GUCY2C: variants seen among roughly 807,000 people sequenced by gnomAD.
GUCY2C encodes guanylate cyclase 2C.
A neutral mutation model predicts 131.1 loss-of-function variants in GUCY2C; 118 were observed. The ratio of observed to expected loss-of-function variants is 0.90; its 90% CI spans 0.78 to 1.05. The LOEUF is 1.05. Among genes scored for constraint, GUCY2C ranks in the 50% least tolerant of loss-of-function variants. The pLI, the probability that GUCY2C is intolerant of heterozygous loss-of-function variation, is 0.00. For synonymous variants in GUCY2C, 452 were observed against 457.8 expected (o/e 0.99, Z 0.16); for missense variants, 1,161 against 1,304.4 (o/e 0.89, Z 1.69).
intron 9 of GUCY2C, among the ~76,000 whole-genome samples, chr12:14,671,823 A>G (rs1451907119): frequency 5.3e-5 from 8 of 152,256 alleles, no homozygotes; most frequent in Middle Eastern, 3.2e-3. Context: ...TAACTGAAGT[A>G]TTGATGGGAT....
intron 9 of GUCY2C, 105 bp downstream of exon 9, chr12:14,672,768 C>T (rs751020136): frequency 3.7e-4 from 265 of 712,428 alleles, no homozygotes; most frequent in Non-Finnish European, 5.9e-4. Flanking sequence ...GTCTTCAGAT[C>T]CTAAACATAA....
rs145171979 is a variant in GUCY2C at position 14,641,352 on chromosome 12, T to C, written c.1931-133A>G. 62 of 905,210 alleles carry C rather than the reference T, an allele frequency of 6.8e-5. No homozygotes were observed. The African/African-American group carries it at 8.2e-4, about 12-fold the overall frequency. The allele number at this position is 905,210 out of a possible 1,614,324, so 56.1% of individuals were successfully genotyped here. A position where few individuals can be genotyped will look rare whatever the true frequency, so the allele number is the denominator to read the frequency against. The stretch of plus-strand genomic sequence containing the variant: ...GTGATAGCTTATAAGTGGCCTTGAA[T>C]TGATATGATTCCAAATTTTTGAAAA... On this transcript the variant is annotated intron_variant, in intron 17 of 26. Coordinates refer to ENST00000261170, the MANE Select transcript of GUCY2C (RefSeq NM_004963.4).
intron 15 of GUCY2C, among the ~76,000 whole-genome samples, chr12:14,646,614 G>T (rs925384601): frequency 6.6e-6 from 1 of 152,114 alleles, no homozygotes; most frequent in Admixed American, 6.5e-5. Flanking sequence ...ATTGCTAATT[G>T]CACCATCTAA....
intron 17 of GUCY2C, 40 bp downstream of exon 17, chr12:14,643,534 A>G (rs1332697774): frequency 3.7e-6 from 6 of 1,603,736 alleles, no homozygotes; most frequent in Admixed American, 1.7e-5. Flanking sequence ...TGAAAAAAAA[A>G]TCAGTTAGGA....
intron 12 of GUCY2C, 50 bp from the exon 13 acceptor site, chr12:14,653,064 C>T (rs753395446): frequency 4.5e-5 from 60 of 1,324,970 alleles, no homozygotes; most frequent in Non-Finnish European, 6.2e-5. Context: ...TCTCATCCTA[C>T]TCACTGCCTG....
At position 14,622,000 on chromosome 12, in the gene GUCY2C, G is replaced by A; in HGVS notation, c.2601+5C>T. On this transcript the variant is annotated splice_donor_5th_base_variant and intron_variant, in intron 22 of 26. Coordinates refer to ENST00000261170, the MANE Select transcript of GUCY2C (RefSeq NM_004963.4). ...TGGTTTCAGCCTGTTAGGTGATGTGGTTACCTTGTAGACATCATGATGATC... is the reference window on the plus strand; with the variant it reads ...TGGTTTCAGCCTGTTAGGTGATGTGATTACCTTGTAGACATCATGATGATC... 1.9e-6 allele frequency: 3 copies of A among 1,578,078 alleles called. No individual in the cohort carries two copies. The highest frequency in any genetic ancestry group is 1.2e-5 in the South Asian group (1 of 84,864).
At chr12:14,618,861 T>C (rs922008281) in intron 24 of GUCY2C, among the ~76,000 whole-genome samples, 2 of 151,798 alleles carry the variant, frequency 1.3e-5, no homozygotes, top group Non-Finnish European at 2.9e-5. Flanking sequence ...TGAACCAGAG[T>C]GTGTAGTTCT....
chr12:14,666,310 G>A (rs1417128718), intron 10 of GUCY2C, among the ~76,000 whole-genome samples: 1 of 152,236 alleles, frequency 6.6e-6, no homozygotes, highest in Non-Finnish European at 1.5e-5. Flanking sequence ...ATATTGGGTG[G>A]ACCTGGCTTT....
At chr12:14,642,478 C>T (rs1216621036) in intron 17 of GUCY2C, among the ~76,000 whole-genome samples, 1 of 152,154 alleles carries the variant, frequency 6.6e-6, no homozygotes, top group African/African-American at 2.4e-5. Flanking sequence ...TATGATGATG[C>T]ACACTTTCCT....
chr12:14,670,295 G>A (rs892741002), intron 9 of GUCY2C, among the ~76,000 whole-genome samples: 1 of 152,112 alleles, frequency 6.6e-6, no homozygotes, highest in Non-Finnish European at 1.5e-5. Context: ...TACATATCAA[G>A]GGGCCCTGAA....
At chr12:14,652,869 T>C (rs2137041243) in intron 13 of GUCY2C, 83 bp downstream of exon 13, 2 of 887,996 alleles carry the variant, frequency 2.3e-6, no homozygotes, top group African/African-American at 1.6e-5. Context: ...ATTGTGATAC[T>C]GACATCAGGG....
rs1372492040 is a variant in GUCY2C, at chr12:14,696,354, T to C, written c.95A>G (p.Asn32Ser). Reference sequence around the variant, plus strand: ...CAGGACGCTGATTTCATAGCTGCCATTGTGGCAGTTCTGACTCACCTGGGA... The same window carrying C: ...CAGGACGCTGATTTCATAGCTGCCACTGTGGCAGTTCTGACTCACCTGGGA... ...FSSQVSQNCH[N>S]GSYEISVLMM... is the part of the protein sequence containing the mutation. The change falls in exon 1 of 27, where the codon AAT becomes AGT. Residue 32 changes from asparagine (N) to serine (S), a missense_variant. Transcript: ENST00000261170. 11 of 1,613,940 alleles carry C rather than the reference T, an allele frequency of 6.8e-6. No homozygotes were observed. The Middle Eastern group carries it at 6.6e-4, about 96-fold the overall frequency.
intron 10 of GUCY2C, among the ~76,000 whole-genome samples, chr12:14,669,281 T>G (rs1948051241): frequency 6.6e-6 from 1 of 151,884 alleles, no homozygotes; most frequent in Non-Finnish European, 1.5e-5. Flanking sequence ...GATAGCTCAT[T>G]GCAGCCTCAA....
At chr12:14,620,244 C>G (rs186065626) in intron 23 of GUCY2C, among the ~76,000 whole-genome samples, 343 of 152,300 alleles carry the variant, frequency 2.3e-3, no homozygotes, top group Non-Finnish European at 3.4e-3. Flanking sequence ...GGTATACTTA[C>G]GTTATAGATA....
At chr12:14,656,108 A>T (rs766570593) in intron 12 of GUCY2C, among the ~76,000 whole-genome samples, 1 of 152,212 alleles carries the variant, frequency 6.6e-6, no homozygotes, top group Non-Finnish European at 1.5e-5. Flanking sequence ...AATGTGAGCA[A>T]ATATAAGCAG....
chr12:14,666,661 G>A (rs1947986837), intron 10 of GUCY2C, among the ~76,000 whole-genome samples: 1 of 151,680 alleles, frequency 6.6e-6, no homozygotes, highest in South Asian at 2.1e-4. Context: ...CTTGAATCCG[G>A]GAGGCAGAGG....
chr12:14,621,959 T>C (rs369606950), intron 22 of GUCY2C, 46 bp downstream of exon 22: 5 of 1,355,270 alleles, frequency 3.7e-6, no homozygotes, highest in Non-Finnish European at 5.1e-6. Context: ...CTGATGACCT[T>C]GAGTTGTACA....
intron 19 of GUCY2C, among the ~76,000 whole-genome samples, chr12:14,639,383 G>C (rs941051013): frequency 6.6e-6 from 1 of 151,832 alleles, no homozygotes; most frequent in Non-Finnish European, 1.5e-5. Flanking sequence ...TGGTGGAAAG[G>C]CACGGAGAAT....
intron 5 of GUCY2C, 31 bp downstream of exon 5, chr12:14,681,325 G>A: frequency 6.2e-7 from 1 of 1,605,030 alleles, no homozygotes; most frequent in Non-Finnish European, 8.5e-7. Context: ...GAAGAAGTTA[G>A]CAAAAAACAA....
Sources: allele counts gnomAD v4.1 joint callset (sites outside exome capture counted in the v4.1 genomes callset), GRCh38; gene constraint gnomAD v4.1.1; transcripts MANE v1.5; gene names NCBI Gene and HGNC (gene_info 2026-07-23, HGNC 2026-07-21).